Variants in CDH4 observed in about 807,000 individuals in gnomAD.
CDH4 encodes the protein cadherin-4.
In CDH4, 33 loss-of-function variants were observed where a neutral mutation model predicts 86.0. The observed-to-expected ratio is 0.38, with a 90% confidence interval of 0.29 to 0.51. The LOEUF (loss-of-function observed/expected upper bound fraction) is 0.51, where lower values mean the gene tolerates loss of function less well. CDH4 is among the 20% of genes least tolerant of loss of function. CDH4 has a pLI of 0.86. For missense variants in CDH4, 1,114 were observed against 1,307.4 expected (o/e 0.85, Z 2.28); for synonymous variants, 555 against 549.4 (o/e 1.01, Z -0.14).
chr20:61,603,997 G>A (rs181539649), intron 2 of CDH4, among the ~76,000 whole-genome samples: 3 of 152,198 alleles, frequency 2.0e-5, no homozygotes, highest in Admixed American at 2.0e-4. Flanking sequence ...ACACACACAC[G>A]TGATTGATCC....
intron 2 of CDH4, among the ~76,000 whole-genome samples, chr20:61,552,753 C>T (rs2086143010): frequency 6.6e-6 from 1 of 151,930 alleles, no homozygotes; most frequent in Admixed American, 6.6e-5. Context: ...ATTACACACC[C>T]ACTAGGATGG....
intron 9 of CDH4, among the ~76,000 whole-genome samples, chr20:61,917,747 T>C (rs1333425033): frequency 1.3e-5 from 2 of 152,278 alleles, no homozygotes; most frequent in Non-Finnish European, 2.9e-5. Context: ...GCGGCAGCCA[T>C]GCTGAGCCTC....
At chr20:61,875,989 C>T (rs954935602) in intron 7 of CDH4, among the ~76,000 whole-genome samples, 1 of 152,254 alleles carries the variant, frequency 6.6e-6, no homozygotes, top group Non-Finnish European at 1.5e-5. Context: ...AGGCTGGCAC[C>T]TCTCTGGGAC....
At chr20:61,724,024 T>C (rs112678181) in intron 2 of CDH4, among the ~76,000 whole-genome samples, 7,351 of 60,436 alleles carry the variant, frequency 0.12, 1,002 homozygotes, top group South Asian at 0.21. Context: ...AGGCTCCATG[T>C]GGCAGGGGGG....
In CDH4 at chr20:61,773,136, A is replaced by G. The variant is rs766768336; in HGVS notation, c.530A>G (p.Asn177Ser). 2.5e-6 allele frequency: 4 copies of G among 1,605,740 alleles called. No individual in the cohort carries two copies. Among genetic ancestry groups the G allele is most frequent in the Non-Finnish European group, 3.4e-6 (4 of 1,176,610 alleles). ...CGGGACTGGGTCATCCCGCCCATCA[A>G]CGTGCCCGAGAACTCGCGCGGGCCC... Reference protein sequence around the residue: ...RKRDWVIPPINVPENSRGPFP... With the variant: ...RKRDWVIPPISVPENSRGPFP... The change falls in exon 4 of 16, where the codon AAC (asparagine) becomes AGC (serine). Residue 177 changes from asparagine (N) to serine (S), a missense_variant. Coordinates refer to ENST00000614565, the MANE Select transcript of CDH4 (RefSeq NM_001794.5).
chr20:61,843,806 A>C (rs1423904300), intron 4 of CDH4, among the ~76,000 whole-genome samples: 3 of 152,122 alleles, frequency 2.0e-5, no homozygotes, highest in African/African-American at 7.2e-5. Context: ...TGAGAAAAAA[A>C]GTAGTATATG....
intron 2 of CDH4, among the ~76,000 whole-genome samples, chr20:61,560,156 G>A (rs780341158): frequency 1.3e-5 from 2 of 152,176 alleles, no homozygotes; most frequent in Non-Finnish European, 2.9e-5. Context: ...GGCAGACCCT[G>A]GGAACCAATG....
intron 2 of CDH4, among the ~76,000 whole-genome samples, chr20:61,642,776 C>G (rs1269476082): frequency 2.0e-5 from 3 of 152,188 alleles, no homozygotes; most frequent in African/African-American, 7.2e-5. Context: ...CACTTCCTTA[C>G]CTTTCCATTT....
intron 2 of CDH4, among the ~76,000 whole-genome samples, chr20:61,736,376 A>G (rs781043249): frequency 6.6e-6 from 1 of 152,112 alleles, no homozygotes; most frequent in African/African-American, 2.4e-5. Flanking sequence ...CCAGATGTCC[A>G]CGGAAGGGTC....
At chr20:61,406,514 GCTCTGCCTGGACCA>G (rs2085083950) in intron 2 of CDH4, among the ~76,000 whole-genome samples, 3 of 140,880 alleles carry the variant, frequency 2.1e-5, no homozygotes, top group Admixed American at 7.0e-5. Flanking sequence ...ACCACCATCT[GCTCTGCCTGGACCA>G]CCATCTTCTC....
chr20:61,724,149 A>G (rs1242261220), intron 2 of CDH4, among the ~76,000 whole-genome samples: 1 of 150,096 alleles, frequency 6.7e-6, no homozygotes. Flanking sequence ...GTCCCCATGC[A>G]GGGGGCACAG....
At chr20:61,383,159 T>TGAA (rs2084915335) in intron 2 of CDH4, among the ~76,000 whole-genome samples, 1 of 88,806 alleles carries the variant, frequency 1.1e-5, no homozygotes, top group African/African-American at 5.2e-5. Flanking sequence ...TATGAATATA[T>TGAA]TATATATATG....
chr20:61,897,969 G>A (rs1402073986), intron 8 of CDH4, among the ~76,000 whole-genome samples: 1 of 152,228 alleles, frequency 6.6e-6, no homozygotes, highest in Non-Finnish European at 1.5e-5. Context: ...GCTAGTGGGT[G>A]GACAATGGAC....
chr20:61,710,829 G>A (rs1032675537), intron 2 of CDH4, among the ~76,000 whole-genome samples: 6 of 152,190 alleles, frequency 3.9e-5, no homozygotes, highest in Admixed American at 1.3e-4. Context: ...TCGAAGTGCC[G>A]AGAGACCATG....
chr20:61,330,815 T>A (rs1297639908), intron 2 of CDH4, among the ~76,000 whole-genome samples: 2 of 152,182 alleles, frequency 1.3e-5, no homozygotes, highest in Non-Finnish European at 2.9e-5. Context: ...TCCCTTCCAA[T>A]CGCTGCCTGG....
intron 2 of CDH4, among the ~76,000 whole-genome samples, chr20:61,522,879 G>T (rs1417104397): frequency 6.6e-6 from 1 of 152,260 alleles, no homozygotes; most frequent in Non-Finnish European, 1.5e-5. Context: ...GGGTGGGCCG[G>T]AGCCCTCTGC....
chr20:61,721,695 T>C lies in CDH4; in HGVS notation c.170-21868T>C, dbSNP rs142199062. ...GCAGTGTTGTTGAGGGCTGGTGATATGCTTCTCTGGAAGGGGGCATTGGTG... is the reference window on the plus strand; with the variant it reads ...GCAGTGTTGTTGAGGGCTGGTGATACGCTTCTCTGGAAGGGGGCATTGGTG... On this transcript the variant is annotated intron_variant, in intron 2 of 15. Transcript: ENST00000614565. Among the ~76,000 whole-genome samples the C allele has an allele frequency of 1.4e-4, 21 of 152,322 alleles. No homozygotes were observed. The East Asian group carries it at 3.9e-3, about 28-fold the overall frequency.
intron 2 of CDH4, among the ~76,000 whole-genome samples, chr20:61,257,836 C>T (rs1458846883): frequency 6.6e-6 from 1 of 152,214 alleles, no homozygotes. Flanking sequence ...GGAGTCTAGG[C>T]ACACCCAGAC....
chr20:61,711,758 C>T (rs918220091), intron 2 of CDH4, among the ~76,000 whole-genome samples: 1 of 152,202 alleles, frequency 6.6e-6, no homozygotes. Flanking sequence ...CCATCACCTA[C>T]TGGCTTGGGT....
Sources: gnomAD v4.1 joint callset for allele counts (sites outside exome capture counted in the v4.1 genomes callset) on GRCh38, gnomAD v4.1.1 for gene constraint, MANE v1.5 for transcripts, NCBI Gene and HGNC (gene_info 2026-07-23, HGNC 2026-07-21) for gene names.